The following HDAC9 variants were observed in gnomAD, a reference collection of about 807,000 sequenced individuals.
HDAC9 encodes MEF-2 interacting transcription repressor (MITR) protein.
In HDAC9, 41 loss-of-function variants were observed where a neutral mutation model predicts 139.4. The ratio of observed to expected loss-of-function variants is 0.29; its 90% confidence interval spans 0.23 to 0.38. HDAC9 has a LOEUF of 0.38. Ranked by LOEUF, HDAC9 falls within the 10% of genes least tolerant of loss-of-function variation. HDAC9 has a pLI of 1.00. For missense variants in HDAC9, 1,147 were observed against 1,297.0 expected, an observed-to-expected ratio of 0.88 and a Z score of 1.78; for synonymous variants, 517 against 476.2, an observed-to-expected ratio of 1.09 and a Z score of -1.12.
intron 1 of HDAC9, chr7:18,458,764 A>T: frequency 1.2e-6 from 1 of 836,328 alleles, no homozygotes; most frequent in South Asian, 1.4e-5. Flanking sequence ...AGAGAGCTGG[A>T]GGTGGTGGCT....
At chr7:18,929,014 G>A (rs1394546620) in intron 22 of HDAC9, among the ~76,000 whole-genome samples, 1 of 151,720 alleles carries the variant, frequency 6.6e-6, no homozygotes, top group Non-Finnish European at 1.5e-5. Flanking sequence ...AGTTAAGGTT[G>A]TTTCCTTTCA....
intron 22 of HDAC9, among the ~76,000 whole-genome samples, chr7:18,884,907 CTG>C (rs371645457): frequency 3.3e-5 from 5 of 152,208 alleles, no homozygotes; most frequent in African/African-American, 1.2e-4. Context: ...GTTTAATACT[CTG>C]TATATCACAC....
intron 16 of HDAC9, among the ~76,000 whole-genome samples, chr7:18,781,327 C>G (rs2129170989): frequency 6.6e-6 from 1 of 152,108 alleles, no homozygotes; most frequent in African/African-American, 2.4e-5. Context: ...TTGGTTGAAA[C>G]CCCAGCTCTT....
intron 16 of HDAC9, among the ~76,000 whole-genome samples, chr7:18,767,901 G>C (rs2129161753): frequency 6.6e-6 from 1 of 152,308 alleles, no homozygotes; most frequent in East Asian, 1.9e-4. Context: ...CAATTAAATT[G>C]ACTCGATCTT....
At chr7:18,702,262 C>A (rs1342459979) in intron 12 of HDAC9, among the ~76,000 whole-genome samples, 1 of 152,162 alleles carries the variant, frequency 6.6e-6, no homozygotes, top group Admixed American at 6.5e-5. Context: ...TACTGACAAC[C>A]AAATTGTTCT....
intron 1 of HDAC9, among the ~76,000 whole-genome samples, chr7:18,304,509 G>C (rs553882169): frequency 1.3e-5 from 2 of 152,206 alleles, no homozygotes; most frequent in East Asian, 1.9e-4. Context: ...AGTAATGTGG[G>C]TTGTGTTTTG....
intron 17 of HDAC9, among the ~76,000 whole-genome samples, chr7:18,809,447 G>C (rs908502437): frequency 2.0e-5 from 3 of 151,916 alleles, no homozygotes; most frequent in Non-Finnish European, 4.4e-5. Context: ...TATGATAAGA[G>C]GTTAATGTCC....
At position 18,874,442 on chromosome 7, in the gene HDAC9, GTCCCA is replaced by G. The variant is rs765583097; in HGVS notation, c.2685-35_2685-31del. 1.9e-5 allele frequency: 26 copies of G among 1,357,842 alleles called. 2 individuals carry two copies. In the South Asian group the frequency reaches 3.0e-4, roughly 16 times the overall value. 84.1% of individuals were successfully genotyped at this position (1,357,842 alleles called of 1,614,324 possible). A position where few individuals can be genotyped will look rare whatever the true frequency, so the allele number is the denominator to read the frequency against. On this transcript the variant is annotated intron_variant, in intron 21 of 25. Transcript: ENST00000686413. ...GAACGATTTTTAAAGGTATTCACCAGTCCCACGTGTGACCGGTTGCATTTTTACTG... is the reference window on the plus strand; with the variant it reads ...GAACGATTTTTAAAGGTATTCACCAGCGTGTGACCGGTTGCATTTTTACTG...
intron 2 of HDAC9, among the ~76,000 whole-genome samples, chr7:18,240,240 T>G (rs766364659): frequency 2.1e-4 from 32 of 152,286 alleles, no homozygotes; most frequent in Middle Eastern, 3.4e-3. Flanking sequence ...ATTTGGGTAT[T>G]GATGAAGGCC....
Position 18,357,440 on chromosome 7 carries a change from C to T in HDAC9, c.-42+66925C>T, listed in dbSNP as rs989063292. ...GATTGCTTGCTAATTGTGTGCTAGG[C>T]CTTGTTTGGTTGTTTATTGAGAGAA... On this transcript the variant is annotated intron_variant, in intron 1 of 3. Transcript: ENST00000413509. Among the ~76,000 whole-genome samples, 4 of 151,910 alleles carry T rather than the reference C, an allele frequency of 2.6e-5. 1 individual carries two copies. The highest frequency in any genetic ancestry group is 9.7e-5 in the African/African-American group (4 of 41,326).
chr7:18,452,665 G>C (rs1203860275), intron 1 of HDAC9, among the ~76,000 whole-genome samples: 2 of 152,094 alleles, frequency 1.3e-5, no homozygotes, highest in Non-Finnish European at 2.9e-5. Flanking sequence ...TGAATCATGG[G>C]GACAGGTTTT....
intron 1 of HDAC9, among the ~76,000 whole-genome samples, chr7:18,103,153 C>A (rs1194678657): frequency 5.3e-5 from 8 of 151,982 alleles, no homozygotes; most frequent in Non-Finnish European, 5.9e-5. Context: ...TTTATAAAAC[C>A]ATCAGATCTC....
At chr7:18,935,501 A>G (rs937009765) in intron 22 of HDAC9, among the ~76,000 whole-genome samples, 3 of 152,156 alleles carry the variant, frequency 2.0e-5, no homozygotes, top group Non-Finnish European at 2.9e-5. Flanking sequence ...AAGAGTATTC[A>G]GTTTTTTTAT....
At position 18,852,037 on chromosome 7, in the gene HDAC9, C is replaced by A. The variant is rs1410979461; in HGVS notation, c.2684+16040C>A. Among the ~76,000 whole-genome samples the A allele has an allele frequency of 2.6e-5, 4 of 152,170 alleles. No individual in the cohort carries two copies. The East Asian group carries it at 7.7e-4, about 29-fold the overall frequency. ...AGAGACAGTCCTTCTAACAAGGCTG[C>A]TGAGGGGTGCAGAAATGGTACACCT... On this transcript the variant is annotated intron_variant, in intron 21 of 25. Coordinates refer to ENST00000686413, the MANE Select transcript of HDAC9 (RefSeq NM_178425.4).
intron 17 of HDAC9, among the ~76,000 whole-genome samples, chr7:18,813,542 A>G (rs1562959249): frequency 2.0e-5 from 3 of 152,100 alleles, no homozygotes; most frequent in Admixed American, 6.6e-5. Flanking sequence ...TTATTTATCT[A>G]TTTATTTCTT....
intron 1 of HDAC9, among the ~76,000 whole-genome samples, chr7:18,460,998 C>T (rs1793796149): frequency 6.6e-6 from 1 of 151,822 alleles, no homozygotes; most frequent in African/African-American, 2.4e-5. Context: ...GTAAAAAAGC[C>T]AGAAGAAGAA....
intron 1 of HDAC9, among the ~76,000 whole-genome samples, chr7:18,108,179 A>G (rs1465148181): frequency 6.6e-6 from 1 of 152,144 alleles, no homozygotes; most frequent in Non-Finnish European, 1.5e-5. Flanking sequence ...GGGTGTTAAT[A>G]CCCAGAGTTT....
intron 22 of HDAC9, among the ~76,000 whole-genome samples, chr7:18,910,281 G>A (rs1327622368): frequency 6.6e-6 from 1 of 151,788 alleles, no homozygotes; most frequent in African/African-American, 2.4e-5. Flanking sequence ...GACCTCCTTG[G>A]TTAAATATTT....
At chr7:18,503,146 A>C (rs567980709) in intron 2 of HDAC9, among the ~76,000 whole-genome samples, 17 of 152,222 alleles carry the variant, frequency 1.1e-4, no homozygotes, top group Non-Finnish European at 2.2e-4. Flanking sequence ...GAAGCTTTCA[A>C]GAAGAAATTC....
Sources: gnomAD v4.1 joint callset for allele counts (sites outside exome capture counted in the v4.1 genomes callset) on GRCh38, gnomAD v4.1.1 for gene constraint, MANE v1.5 for transcripts, NCBI Gene and HGNC (gene_info 2026-07-23, HGNC 2026-07-21) for gene names.